ERBB4: variants seen among roughly 807,000 people sequenced by gnomAD.
The protein encoded by ERBB4 is erb-b2 receptor tyrosine kinase 4, also known as receptor tyrosine-protein kinase erbB-4.
Under a neutral mutation model 158.0 loss-of-function variants are expected in ERBB4, and 42 were observed. That is an observed-to-expected ratio of 0.27 (90% CI 0.21 to 0.34). ERBB4 has a LOEUF of 0.34. ERBB4 is among the 10% of genes least tolerant of loss of function. ERBB4 has a pLI of 1.00. For synonymous variants in ERBB4, 583 were observed against 558.7 expected (o/e 1.04, Z -0.61); for missense variants, 1,333 against 1,624.1 (o/e 0.82, Z 3.08).
intron 2 of ERBB4, among the ~76,000 whole-genome samples, chr2:212,070,206 T>C (rs1340244461): frequency 1.3e-5 from 2 of 151,942 alleles, no homozygotes; most frequent in Non-Finnish European, 2.9e-5. Context: ...AAATTAAAGA[T>C]CTAAGTAAAT....
chr2:212,053,171 G>T (rs1033973034), intron 2 of ERBB4, among the ~76,000 whole-genome samples: 1 of 152,022 alleles, frequency 6.6e-6, no homozygotes, highest in Non-Finnish European at 1.5e-5. Flanking sequence ...AAAGAGTGAG[G>T]CCGTGTCTCA....
At chr2:212,139,009 A>G (rs12473715) in intron 1 of ERBB4, among the ~76,000 whole-genome samples, 61,208 of 152,010 alleles carry the variant, frequency 0.4, 15,042 homozygotes, top group Non-Finnish European at 0.55. Context: ...CAGAGATCAC[A>G]TGGATAGTTA....
At chr2:212,307,077 C>T (rs1411628574) in intron 1 of ERBB4, among the ~76,000 whole-genome samples, 1 of 151,092 alleles carries the variant, frequency 6.6e-6, no homozygotes, top group Non-Finnish European at 1.5e-5. Context: ...AAAAGTACAT[C>T]AAACTTGAAG....
chr2:212,260,924 G>A (rs1009866693), intron 1 of ERBB4, among the ~76,000 whole-genome samples: 6 of 152,138 alleles, frequency 3.9e-5, no homozygotes, highest in African/African-American at 7.2e-5. Context: ...TGAAAGAAAT[G>A]AAAGTTATGC....
intron 20 of ERBB4, among the ~76,000 whole-genome samples, chr2:211,439,841 C>T (rs2063935224): frequency 6.6e-6 from 1 of 152,124 alleles, no homozygotes; most frequent in Non-Finnish European, 1.5e-5. Flanking sequence ...TTAGGCTAAG[C>T]CCCAGATGTT....
chr2:211,953,673 G>A (rs1203355475), intron 2 of ERBB4, among the ~76,000 whole-genome samples: 2 of 151,832 alleles, frequency 1.3e-5, no homozygotes, highest in Non-Finnish European at 2.9e-5. Context: ...GTCAATGTAG[G>A]TTTCTACAGT....
rs2064976236 is a variant in ERBB4 at position 211,477,218 on chromosome 2, T to G, written c.2488-46118A>C. On this transcript the variant is annotated intron_variant, in intron 20 of 27. Transcript: ENST00000342788. Reference sequence around the variant, plus strand: ...GTGGACTTGAACTGCAACTCTTCCCTTGGACTCCAGCCTGCCAGCCCTACC... The same window carrying G: ...GTGGACTTGAACTGCAACTCTTCCCGTGGACTCCAGCCTGCCAGCCCTACC... 2.6e-5 allele frequency among the ~76,000 whole-genome samples: 4 copies of G among 152,186 alleles called. No individual in the cohort carries two copies. In the East Asian group the frequency reaches 7.7e-4, roughly 29 times the overall value.
intron 22 of ERBB4, among the ~76,000 whole-genome samples, chr2:211,427,254 T>C (rs532393027): frequency 2.0e-5 from 3 of 152,232 alleles, no homozygotes; most frequent in African/African-American, 7.2e-5. Context: ...TAAAACTTTT[T>C]TTTAAGCTTA....
intron 7 of ERBB4, among the ~76,000 whole-genome samples, chr2:211,717,833 A>C (rs1265230488): frequency 3.9e-5 from 6 of 152,128 alleles, no homozygotes. Flanking sequence ...TCTCCAAAAA[A>C]ATAAAAAATC....
intron 1 of ERBB4, among the ~76,000 whole-genome samples, chr2:212,330,448 G>A (rs1166373816): frequency 6.6e-6 from 1 of 151,884 alleles, no homozygotes; most frequent in Non-Finnish European, 1.5e-5. Flanking sequence ...GTGAGACACT[G>A]TCTCTATAAA....
intron 15 of ERBB4, among the ~76,000 whole-genome samples, chr2:211,658,299 G>T (rs1006749095): frequency 6.6e-6 from 1 of 152,078 alleles, no homozygotes; most frequent in African/African-American, 2.4e-5. Context: ...ATGATTACAT[G>T]TCTCAACAAA....
In ERBB4 at chr2:211,388,052, T is replaced by A; in HGVS notation, c.3136-60A>T. On this transcript the variant is annotated intron_variant, in intron 25 of 27. Transcript: ENST00000342788. ...TAAGAGGCAATATGAATGAAAAAAT[T>A]AAAAAAAGAAACGAAAAAGAAAAGC... 1.5e-6 allele frequency: 2 copies of A among 1,303,914 alleles called. No individual in the cohort carries two copies. The highest frequency in any genetic ancestry group is 1.8e-5 in the Admixed American group (1 of 56,554). 80.8% of individuals were successfully genotyped at this position (1,303,914 alleles called of 1,614,324 possible). A position where few individuals can be genotyped will look rare whatever the true frequency, so the allele number is the denominator to read the frequency against.
chr2:211,393,570 T>A (rs1252761697), intron 25 of ERBB4, among the ~76,000 whole-genome samples: 1 of 152,208 alleles, frequency 6.6e-6, no homozygotes, highest in African/African-American at 2.4e-5. Context: ...CTTTCTCTAG[T>A]TTTAGTGAAA....
intron 1 of ERBB4, among the ~76,000 whole-genome samples, chr2:212,212,093 G>A (rs1173649806): frequency 2.0e-5 from 3 of 151,988 alleles, no homozygotes; most frequent in Non-Finnish European, 2.9e-5. Flanking sequence ...TGGGATTGCT[G>A]GATCAAATGG....
intron 1 of ERBB4, among the ~76,000 whole-genome samples, chr2:212,295,801 C>T (rs935712412): frequency 2.0e-5 from 3 of 151,960 alleles, no homozygotes; most frequent in Admixed American, 2.0e-4. Flanking sequence ...TACATTTGGA[C>T]AATCTTTGAT....
intron 1 of ERBB4, among the ~76,000 whole-genome samples, chr2:212,132,438 A>G (rs73987242): frequency 0.029 from 4,354 of 152,264 alleles, 147 homozygotes; most frequent in African/African-American, 0.079. Context: ...TTGAATTGGT[A>G]TACTGAGTAG....
intron 1 of ERBB4, among the ~76,000 whole-genome samples, chr2:212,506,725 G>T (rs1691215859): frequency 6.6e-6 from 1 of 152,158 alleles, no homozygotes. Context: ...AGCTAGCCGA[G>T]ATTGGTTCAT....
At chr2:211,944,187 A>ACAC (rs1553517886) in intron 3 of ERBB4, among the ~76,000 whole-genome samples, 1 of 47,064 alleles carries the variant, frequency 2.1e-5, no homozygotes, top group African/African-American at 1.1e-4. Context: ...CTATATATAT[A>ACAC]TATATATATA....
At chr2:212,243,905 A>G (rs1351439348) in intron 1 of ERBB4, among the ~76,000 whole-genome samples, 1 of 152,204 alleles carries the variant, frequency 6.6e-6, no homozygotes, top group Non-Finnish European at 1.5e-5. Context: ...TAGTTCCTTC[A>G]AGTAGCTTAT....
Sources: gnomAD v4.1 joint callset for allele counts (sites outside exome capture counted in the v4.1 genomes callset) on GRCh38, gnomAD v4.1.1 for gene constraint, MANE v1.5 for transcripts, NCBI Gene and HGNC (gene_info 2026-07-23, HGNC 2026-07-21) for gene names.